NCAM1: variants seen among roughly 807,000 people sequenced by gnomAD.
NCAM1 encodes antigen recognized by monoclonal antibody 5.1H11.
NCAM1 carries 14 observed loss-of-function variants against 109.8 expected under a neutral mutation model. The observed-to-expected ratio is 0.13, with a 90% CI of 0.08 to 0.20. The LOEUF is 0.20. Ranked by LOEUF, NCAM1 falls within the 10% of genes least tolerant of loss-of-function variation. The pLI is 1.00. For synonymous variants in NCAM1, 418 were observed against 442.9 expected (o/e 0.94, Z 0.70); for missense variants, 774 against 1,109.9 (o/e 0.70, Z 4.30).
At chr11:113,019,341 G>A (rs12363153) in intron 1 of NCAM1, among the ~76,000 whole-genome samples, 3 of 152,140 alleles carry the variant, frequency 2.0e-5, no homozygotes, top group Non-Finnish European at 4.4e-5. Context: ...ATTTAGGGAC[G>A]TCGCTTTACC....
At chr11:113,128,909 GTGTGTGT>G (rs1565453082) in intron 1 of NCAM1, among the ~76,000 whole-genome samples, 290 of 110,648 alleles carry the variant, frequency 2.6e-3, no homozygotes, top group South Asian at 4.0e-3. Flanking sequence ...TTGTGAGGGT[GTGTGTGT>G]GTGTGTGTGT....
chr11:113,075,637 T>G (rs1273851043), intron 1 of NCAM1, among the ~76,000 whole-genome samples: 4 of 152,106 alleles, frequency 2.6e-5, no homozygotes, highest in Non-Finnish European at 5.9e-5. Flanking sequence ...TTGGGAGAAT[T>G]TTTGAGGCCC....
intron 1 of NCAM1, among the ~76,000 whole-genome samples, chr11:113,185,079 T>TATATATAGAGAGAGAGAGAGAGAGAG: frequency 1.6e-5 from 2 of 125,758 alleles, no homozygotes; most frequent in Non-Finnish European, 3.3e-5. Context: ...TATATATATA[T>TATATATAGAGAGAGAGAGAGAGAGAG]AGAGAGAGAG....
At chr11:113,240,881 A>G in intron 14 of NCAM1, 1 of 1,567,838 alleles carries the variant, frequency 6.4e-7, no homozygotes, top group Non-Finnish European at 8.8e-7. Context: ...ACTTTCCACC[A>G]GCCACAGTTT....
intron 1 of NCAM1, among the ~76,000 whole-genome samples, chr11:113,109,381 T>C (rs1940334622): frequency 6.7e-6 from 1 of 149,430 alleles, no homozygotes; most frequent in Non-Finnish European, 1.5e-5. Context: ...GAGGGAGGAA[T>C]TGTCAGGAAT....
rs568016752 is a variant in NCAM1, at chr11:113,170,902, A to G, written c.53-31477A>G. Among the ~76,000 whole-genome samples, 6 of 152,360 alleles carry G rather than the reference A, an allele frequency of 3.9e-5. No individual in the cohort carries two copies. In the South Asian group the frequency reaches 1.2e-3, roughly 32 times the overall value. ...TTATGCTGTAAGTAAGGGCCAGGTA[A>G]TCTGAGCCGATGTTGGTGTTGCATT... On this transcript the variant is annotated intron_variant, in intron 1 of 19. Coordinates refer to ENST00000316851, the MANE Select transcript of NCAM1 (RefSeq NM_181351.5).
intron 1 of NCAM1, among the ~76,000 whole-genome samples, chr11:112,986,050 CAT>C (rs1365391683): frequency 1.3e-5 from 2 of 151,882 alleles, no homozygotes; most frequent in Non-Finnish European, 2.9e-5. Flanking sequence ...TGTAGGCTAA[CAT>C]ATATGACCTT....
At chr11:113,045,594 T>C (rs1307621428) in intron 1 of NCAM1, among the ~76,000 whole-genome samples, 2 of 152,200 alleles carry the variant, frequency 1.3e-5, no homozygotes, top group African/African-American at 4.8e-5. Flanking sequence ...CACTGGAGCA[T>C]TAATCTGAGG....
chr11:112,985,683 T>G (rs1445360001), intron 1 of NCAM1, among the ~76,000 whole-genome samples: 1 of 151,948 alleles, frequency 6.6e-6, no homozygotes, highest in Admixed American at 6.6e-5. Context: ...TTAATGAGAT[T>G]GTTTTTAGAT....
At chr11:113,015,247 C>T (rs1952177843) in intron 1 of NCAM1, among the ~76,000 whole-genome samples, 1 of 152,134 alleles carries the variant, frequency 6.6e-6, no homozygotes, top group Admixed American at 6.5e-5. Context: ...TGTCACTGTC[C>T]CTGACCCTCC....
rs561914504 is a variant in NCAM1 at position 112,963,851 on chromosome 11, G to A, written c.52+2187G>A. On this transcript the variant is annotated intron_variant, in intron 1 of 19. Transcript: ENST00000316851. The surrounding 1 kb of genome is among the most constrained non-coding windows in gnomAD (Gnocchi z 4.6). ...CACTGGGATGTTCCTGGATGCCCAG[G>A]CAGGGGAGGCATTCTAACCAGTGTT... Among the ~76,000 whole-genome samples, 4 of 152,278 alleles carry A rather than the reference G, an allele frequency of 2.6e-5. No homozygotes were observed. The South Asian group carries it at 8.3e-4, about 32-fold the overall frequency.
chr11:113,054,150 A>G (rs782578414), intron 1 of NCAM1, among the ~76,000 whole-genome samples: 1 of 152,182 alleles, frequency 6.6e-6, no homozygotes, highest in Non-Finnish European at 1.5e-5. Flanking sequence ...AGATGTTGGA[A>G]TCCAGATTCA....
At chr11:113,061,336 G>C (rs533118593) in intron 1 of NCAM1, among the ~76,000 whole-genome samples, 1 of 152,236 alleles carries the variant, frequency 6.6e-6, no homozygotes, top group African/African-American at 2.4e-5. Flanking sequence ...GTACTTAACT[G>C]GAGGTTCCTT....
intron 1 of NCAM1, among the ~76,000 whole-genome samples, chr11:113,161,319 T>C (rs1458606139): frequency 2.0e-5 from 3 of 152,240 alleles, no homozygotes; most frequent in African/African-American, 2.4e-5. Flanking sequence ...GCTCCTTACA[T>C]CTACATAGTA....
At chr11:113,259,895 G>T (rs1405216002) in intron 16 of NCAM1, among the ~76,000 whole-genome samples, 2 of 151,898 alleles carry the variant, frequency 1.3e-5, no homozygotes, top group African/African-American at 4.8e-5. Context: ...GTACAGACGG[G>T]TTTTCACTAT....
chr11:113,270,103 C>T, intron 17 of NCAM1, 85 bp from the exon 18 acceptor site: 1 of 1,360,888 alleles, frequency 7.3e-7, no homozygotes, highest in Non-Finnish European at 1.0e-6. Flanking sequence ...CTGGGCCCTC[C>T]CCACCCGCAG....
At chr11:113,043,736 T>C (rs1423524497) in intron 1 of NCAM1, among the ~76,000 whole-genome samples, 2 of 152,060 alleles carry the variant, frequency 1.3e-5, no homozygotes, top group Non-Finnish European at 2.9e-5. Context: ...CTCCTCAGAG[T>C]CTCCTCATTG....
intron 1 of NCAM1, among the ~76,000 whole-genome samples, chr11:113,110,521 T>G (rs1940398826): frequency 6.6e-6 from 1 of 152,198 alleles, no homozygotes; most frequent in African/African-American, 2.4e-5. Context: ...GGGTCATTCA[T>G]ATAGGGGGAG....
intron 1 of NCAM1, among the ~76,000 whole-genome samples, chr11:113,090,221 G>A (rs1565430023): frequency 1.3e-5 from 2 of 152,278 alleles, no homozygotes; most frequent in Middle Eastern, 6.8e-3. Flanking sequence ...TCTCTGACAG[G>A]AAAAAACTGT....
Sources: gnomAD v4.1 joint callset for allele counts (sites outside exome capture counted in the v4.1 genomes callset) on GRCh38, gnomAD v4.1.1 for gene constraint, Gnocchi (gnomAD v3.1) non-coding constraint, MANE v1.5 for transcripts, NCBI Gene and HGNC (gene_info 2026-07-23, HGNC 2026-07-21) for gene names.